The following DPH1 variants were observed in gnomAD, a reference collection of about 807,000 sequenced individuals.
DPH1 encodes the protein diphthamide biosynthesis 1, also known as 2-(3-amino-3-carboxypropyl)histidine synthase subunit 1.
In DPH1, 59 loss-of-function variants were observed where a neutral mutation model predicts 55.3. The ratio of observed to expected loss-of-function variants is 1.07; its 90% CI spans 0.87 to 1.33. DPH1 has a LOEUF of 1.33. Among genes scored for constraint, DPH1 ranks in the 40% most tolerant of loss-of-function variants. DPH1 has a pLI of 0.00. For synonymous variants in DPH1, 238 were observed against 235.5 expected (o/e 1.01, Z -0.10); for missense variants, 628 against 584.8 (o/e 1.07, Z -0.76).
At chr17:2,042,326 C>T in intron 12 of DPH1, 5 of 1,382,814 alleles carry the variant, frequency 3.6e-6, no homozygotes, top group Middle Eastern at 1.9e-4. Flanking sequence ...TGCGTCCACC[C>T]GCATTCCTCC....
At chr17:2,038,686 A>G (rs2067463814) in intron 6 of DPH1, among the ~76,000 whole-genome samples, 1 of 152,154 alleles carries the variant, frequency 6.6e-6, no homozygotes, top group African/African-American at 2.4e-5. Context: ...CCATCCCCCA[A>G]TCCCACCCGT....
chr17:2,030,213 G>T lies in DPH1; in HGVS notation c.44G>T (p.Arg15Leu). 1.3e-6 allele frequency: 2 copies of T among 1,594,260 alleles called. No individual in the cohort carries two copies. The highest frequency in any genetic ancestry group is 1.8e-5 in the Admixed American group (1 of 56,968). ...VVSGAAEQGGRDGPGRGRAPR... is the reference protein window; with the variant it reads ...VVSGAAEQGGLDGPGRGRAPR... ...TCCGGGGCAGCGGAGCAGGGCGGCC[G>T]AGACGGCCCTGGCAGAGGTGGGTGC... Residue 15 changes from arginine (R) to leucine (L), a missense_variant, in exon 1 of 13, where the codon CGA becomes CTA. By Grantham distance (102) the Arg-to-Leu change is moderately radical. Transcript: ENST00000263083.
intron 12 of DPH1, 137 bp downstream of exon 12, chr17:2,042,012 C>T (rs771592118): frequency 6.0e-5 from 90 of 1,492,990 alleles, no homozygotes; most frequent in Non-Finnish European, 7.7e-5. Flanking sequence ...GGGGAAAGAC[C>T]GCTTCCGGTG....
Position 2,040,256 on chromosome 17 carries a change from A to G in DPH1, c.788A>G (p.Tyr263Cys), listed in dbSNP as rs1350431682. ...AGCAAAGTCCTATCCAGAGAACACT[A>G]TGACCACCAGCGCATGCAGGCTGCT... ...PYSKVLSREHYDHQRMQAARQ... is the reference protein window; with the variant it reads ...PYSKVLSREHCDHQRMQAARQ... Residue 263 changes from tyrosine (Y) to cysteine (C), a missense_variant, in exon 8 of 13, where the codon TAT (tyrosine) becomes TGT (cysteine). Physicochemically the swap from Tyr to Cys is radical, Grantham distance 194. Coordinates refer to ENST00000263083, the MANE Select transcript of DPH1 (RefSeq NM_001383.6). 2 of 1,613,926 alleles carry G rather than the reference A, an allele frequency of 1.2e-6. No individual in the cohort carries two copies. The highest frequency in any genetic ancestry group is 2.7e-5 in the African/African-American group (2 of 74,922).
intron 3 of DPH1, chr17:2,035,064 G>T (rs1403350974): frequency 1.3e-5 from 2 of 151,982 alleles, no homozygotes; most frequent in Non-Finnish European, 2.9e-5. Flanking sequence ...GGGGAAGGGG[G>T]TGGAGGAGGG....
At chr17:2,041,723 G>A (rs1296456824) in intron 11 of DPH1, 45 bp from the exon 12 acceptor site, 3 of 1,583,110 alleles carry the variant, frequency 1.9e-6, no homozygotes, top group Non-Finnish European at 2.6e-6. Context: ...GGAGGGAAAC[G>A]CAGGGTCGCA....
At position 2,036,994 on chromosome 17, in the gene DPH1, A is replaced by G. The variant is rs1336353861; in HGVS notation, c.680+38A>G. On this transcript the variant is annotated intron_variant, in intron 6 of 12. Coordinates refer to ENST00000263083, the MANE Select transcript of DPH1 (RefSeq NM_001383.6). This position sits in a 1 kb window ranked among gnomAD's most constrained non-coding sequence, Gnocchi z 4.8. ...TGGGGGCCAAGTAAGTCCTAGAGAC[A>G]TGCGTGTACCCTGGGAGGGAGCCTG... is the stretch of plus-strand genomic sequence containing the variant. 1.6e-5 allele frequency: 26 copies of G among 1,594,860 alleles called. No homozygotes were observed. The highest frequency in any genetic ancestry group is 2.2e-5 in the Non-Finnish European group (26 of 1,170,840).
At position 2,030,215 on chromosome 17, in the gene DPH1, G is replaced by A. The variant is rs2151337966; in HGVS notation, c.46G>A (p.Asp16Asn). The change falls in exon 1 of 13, where the codon GAC (aspartate) becomes AAC (asparagine). Residue 16 changes from aspartate (D) to asparagine (N), a missense_variant. Physicochemically the swap from Asp to Asn is conservative, Grantham distance 23. Coordinates refer to ENST00000263083, the MANE Select transcript of DPH1 (RefSeq NM_001383.6). ...VSGAAEQGGR[D>N]GPGRGRAPRG... ...CGGGGCAGCGGAGCAGGGCGGCCGAGACGGCCCTGGCAGAGGTGGGTGCTG... is the reference window on the plus strand; with the variant it reads ...CGGGGCAGCGGAGCAGGGCGGCCGAAACGGCCCTGGCAGAGGTGGGTGCTG... The A allele has an allele frequency of 6.3e-7, 1 of 1,592,002 alleles. No individual in the cohort carries two copies. Among genetic ancestry groups the A allele is most frequent in the Admixed American group, 1.8e-5 (1 of 56,546 alleles).
intron 12 of DPH1, 165 bp from the exon 13 acceptor site, chr17:2,042,440 C>T (rs1305823485): frequency 3.1e-6 from 4 of 1,270,376 alleles, no homozygotes; most frequent in Admixed American, 3.4e-5. Flanking sequence ...CCGCTGTCTC[C>T]TGTTCAGGCC....
chr17:2,032,402 C>T (rs1200274223), intron 1 of DPH1, among the ~76,000 whole-genome samples: 3 of 152,292 alleles, frequency 2.0e-5, no homozygotes, highest in South Asian at 2.1e-4. Context: ...CTCAAGTCTT[C>T]GATTCCCAGT....
intron 12 of DPH1, 192 bp from the exon 13 acceptor site, chr17:2,042,413 G>A (rs2067556040): frequency 2.4e-6 from 3 of 1,242,610 alleles, no homozygotes; most frequent in Non-Finnish European, 3.2e-6. Flanking sequence ...CCAGGCTTCC[G>A]CCTTCACCGT....
At position 2,036,673 on chromosome 17, in the gene DPH1, T is replaced by C. The variant is rs2067431451; in HGVS notation, c.545T>C (p.Val182Ala). 20 of 1,613,992 alleles carry C rather than the reference T, an allele frequency of 1.2e-5. No individual in the cohort carries two copies. The highest frequency in any genetic ancestry group is 1.7e-5 in the Non-Finnish European group (20 of 1,180,014). ...GCCCTGGTCAGCACCATTCAGTTTG[T>C]GTCGACCTTGCAGGTGGGTGGAACG... ...ALALVSTIQFVSTLQAAAQEL... is the reference protein window; with the variant it reads ...ALALVSTIQFASTLQAAAQEL... The change falls in exon 5 of 13, where the codon GTG becomes GCG. Residue 182 changes from valine to alanine, a missense_variant. Transcript: ENST00000263083. The surrounding 1 kb of genome is among the most constrained non-coding windows in gnomAD (Gnocchi z 4.8).
At chr17:2,042,512 C>G (rs544431372) in intron 12 of DPH1, 93 bp from the exon 13 acceptor site, 8 of 1,454,282 alleles carry the variant, frequency 5.5e-6, no homozygotes, top group East Asian at 4.9e-5. Flanking sequence ...CTTTTTCTCT[C>G]TGTCATCTCG....
intron 7 of DPH1, 97 bp downstream of exon 7, chr17:2,039,920 T>G: frequency 1.3e-6 from 2 of 1,545,650 alleles, no homozygotes; most frequent in Non-Finnish European, 1.8e-6. Flanking sequence ...TCCTGGCCAC[T>G]AAGCCACCAG....
intron 1 of DPH1, among the ~76,000 whole-genome samples, chr17:2,033,063 G>T (rs2067352908): frequency 6.6e-6 from 1 of 152,184 alleles, no homozygotes; most frequent in Non-Finnish European, 1.5e-5. Context: ...GGCTTCTGGG[G>T]ATCTTTAAAG....
At chr17:2,042,188 G>A (rs754132173) in intron 12 of DPH1, 17 of 1,434,724 alleles carry the variant, frequency 1.2e-5, no homozygotes, top group Non-Finnish European at 1.5e-5. Context: ...GCCCGCACCC[G>A]GTCCCCGACC....
chr17:2,033,504 G>C lies in DPH1; in HGVS notation c.62-1G>C. 1 of 1,613,986 alleles carries C rather than the reference G, an allele frequency of 6.2e-7. No individual in the cohort carries two copies. The highest frequency in any genetic ancestry group is 8.5e-7 in the Non-Finnish European group (1 of 1,180,034). On this transcript the variant is annotated splice_acceptor_variant, in intron 1 of 12. Coordinates refer to ENST00000263083, the MANE Select transcript of DPH1 (RefSeq NM_001383.6). LOFTEE classifies it high-confidence loss of function. ...CAACTCAGGCCTTATATCCATTCTAGGTCGGGCCCCTCGGGGCCGCGTGGC... is the reference window on the plus strand; with the variant it reads ...CAACTCAGGCCTTATATCCATTCTACGTCGGGCCCCTCGGGGCCGCGTGGC...
chr17:2,041,709 G>C, intron 11 of DPH1, 59 bp from the exon 12 acceptor site: 2 of 1,580,898 alleles, frequency 1.3e-6, no homozygotes, highest in Non-Finnish European at 1.7e-6. Flanking sequence ...CACAGGAGCG[G>C]AGCGGAGGGA....
chr17:2,035,787 C>A (rs535586170), intron 3 of DPH1, among the ~76,000 whole-genome samples, 183 bp from the exon 4 acceptor site: 1 of 152,224 alleles, frequency 6.6e-6, no homozygotes, highest in South Asian at 2.1e-4. Flanking sequence ...GGCTGCCAGG[C>A]TGGGGCAGGC....
Sources: gnomAD v4.1 joint callset for allele counts (sites outside exome capture counted in the v4.1 genomes callset) on GRCh38, gnomAD v4.1.1 for gene constraint, Gnocchi (gnomAD v3.1) non-coding constraint, MANE v1.5 for transcripts, NCBI Gene and HGNC (gene_info 2026-07-23, HGNC 2026-07-21) for gene names.